CD86: variants seen among roughly 807,000 people sequenced by gnomAD.
CD86 encodes the protein CD86 molecule, also known as T-lymphocyte activation antigen CD86.
In CD86, 11 loss-of-function variants were observed where a neutral mutation model predicts 32.1. The observed-to-expected ratio is 0.34, with a 90% CI of 0.22 to 0.57. The LOEUF is 0.57. Among genes scored for constraint, CD86 ranks in the 20% least tolerant of loss-of-function variants. The pLI, the probability that CD86 is intolerant of heterozygous loss-of-function variation, is 0.86. For synonymous variants in CD86, 137 were observed against 135.3 expected, an observed-to-expected ratio of 1.01 and a Z score of -0.09; for missense variants, 359 against 398.4, an observed-to-expected ratio of 0.90 and a Z score of 0.84.
chr3:122,070,592 C>T (rs1435112350), intron 1 of CD86, among the ~76,000 whole-genome samples: 1 of 152,142 alleles, frequency 6.6e-6, no homozygotes, highest in Non-Finnish European at 1.5e-5. Flanking sequence ...CATTACATTT[C>T]TAAGAATGTT....
chr3:122,055,918 A>C (rs1345152849), intron 1 of CD86, among the ~76,000 whole-genome samples: 8 of 152,154 alleles, frequency 5.3e-5, no homozygotes, highest in Non-Finnish European at 1.2e-4. Context: ...CAAGAAAAAG[A>C]AAGAGAAAAA....
intron 2 of CD86, among the ~76,000 whole-genome samples, chr3:122,097,100 G>A (rs757009639): frequency 6.6e-6 from 1 of 152,090 alleles, no homozygotes; most frequent in East Asian, 1.9e-4. Context: ...ACACTCTCGC[G>A]GACACTGGGT....
At chr3:122,076,752 A>C (rs1025258925) in intron 1 of CD86, among the ~76,000 whole-genome samples, 3 of 152,232 alleles carry the variant, frequency 2.0e-5, no homozygotes, top group African/African-American at 4.8e-5. Context: ...AAGATGAAAT[A>C]ACTACTTGGC....
intron 1 of CD86, among the ~76,000 whole-genome samples, chr3:122,071,779 G>T (rs1170556827): frequency 6.6e-6 from 1 of 151,514 alleles, no homozygotes; most frequent in African/African-American, 2.4e-5. Flanking sequence ...ACAATGTGCA[G>T]GTTAGTTACA....
At position 122,120,990 on chromosome 3, in the gene CD86, G is replaced by C. The variant is rs1016014040; in HGVS notation, c.*1456G>C. On this transcript the variant is annotated 3_prime_UTR_variant, in exon 7 of 7. Transcript: ENST00000330540. ...CCTTTATTTTATGTAAACCCTCAAGGGTTATAGACTGCCATGCTAGACAAG... is the reference window on the plus strand; with the variant it reads ...CCTTTATTTTATGTAAACCCTCAAGCGTTATAGACTGCCATGCTAGACAAG... The C allele has an allele frequency of 6.6e-6, 1 of 152,162 alleles. No homozygotes were observed. Among genetic ancestry groups the C allele is most frequent in the Non-Finnish European group, 1.5e-5 (1 of 68,030 alleles). 9.4% of individuals were successfully genotyped at this position (152,162 alleles called of 1,614,324 possible). A position where few individuals can be genotyped will look rare whatever the true frequency, so the allele number is the denominator to read the frequency against.
intron 2 of CD86, chr3:122,091,864 C>G (rs549985537): frequency 5.1e-5 from 28 of 551,138 alleles, no homozygotes; most frequent in Admixed American, 3.9e-4. Context: ...CTCTCCCCCC[C>G]GTGTGCTTCT....
At chr3:122,100,117 G>A (rs2072975279) in intron 2 of CD86, among the ~76,000 whole-genome samples, 1 of 152,154 alleles carries the variant, frequency 6.6e-6, no homozygotes, top group African/African-American at 2.4e-5. Flanking sequence ...GTAGACCTGT[G>A]GAGTTGACAA....
At position 122,117,450 on chromosome 3, in the gene CD86, C is replaced by T. The variant is rs538602182; in HGVS notation, c.848-598C>T. Among the ~76,000 whole-genome samples the T allele has an allele frequency of 2.2e-4, 33 of 152,334 alleles. No individual in the cohort carries two copies. The South Asian group carries it at 3.3e-3, about 15-fold the overall frequency. Reference sequence around the variant, plus strand: ...CCTCCATGGACACCCAGGTTAGCAACCTGTTGGAGTTTACGTGGGACAATA... The same window carrying T: ...CCTCCATGGACACCCAGGTTAGCAATCTGTTGGAGTTTACGTGGGACAATA... On this transcript the variant is annotated intron_variant, in intron 5 of 6. Coordinates refer to ENST00000330540, the MANE Select transcript of CD86 (RefSeq NM_175862.5).
At chr3:122,112,971 T>C (rs1196731494) in intron 5 of CD86, among the ~76,000 whole-genome samples, 1 of 152,236 alleles carries the variant, frequency 6.6e-6, no homozygotes, top group Admixed American at 6.5e-5. Flanking sequence ...CAGTGTACAC[T>C]GCACCAGTGT....
intron 2 of CD86, among the ~76,000 whole-genome samples, chr3:122,096,427 C>T (rs2072909209): frequency 6.6e-6 from 1 of 151,774 alleles, no homozygotes; most frequent in African/African-American, 2.4e-5. Flanking sequence ...TTTTAAGTAT[C>T]CTAAATATAC....
chr3:122,107,281 C>T (rs562982677), intron 4 of CD86, among the ~76,000 whole-genome samples: 4 of 152,170 alleles, frequency 2.6e-5, no homozygotes, highest in East Asian at 1.9e-4. Context: ...TGGTGACTTC[C>T]GTAGCTGAAA....
At chr3:122,064,866 CTATT>C (rs1193518081) in intron 1 of CD86, among the ~76,000 whole-genome samples, 1 of 152,050 alleles carries the variant, frequency 6.6e-6, no homozygotes, top group East Asian at 1.9e-4. Context: ...GGGGCTGAAA[CTATT>C]TGACTATTAA....
At chr3:122,071,488 T>C (rs2072488059) in intron 1 of CD86, among the ~76,000 whole-genome samples, 2 of 152,210 alleles carry the variant, frequency 1.3e-5, no homozygotes, top group African/African-American at 4.8e-5. Flanking sequence ...CCACATAATA[T>C]TCCATTGTCT....
intron 5 of CD86, among the ~76,000 whole-genome samples, chr3:122,112,502 A>C (rs939479213): frequency 2.0e-5 from 3 of 152,070 alleles, no homozygotes; most frequent in Non-Finnish European, 4.4e-5. Flanking sequence ...TTTTCAGTAG[A>C]GATGGGTTTT....
chr3:122,116,879 G>A (rs556853976), intron 5 of CD86, among the ~76,000 whole-genome samples: 1 of 152,132 alleles, frequency 6.6e-6, no homozygotes, highest in Non-Finnish European at 1.5e-5. Context: ...TCCATGGGAT[G>A]GGGGAAAGGA....
chr3:122,101,681 A>G (rs1265215961), intron 2 of CD86, among the ~76,000 whole-genome samples: 1 of 151,934 alleles, frequency 6.6e-6, no homozygotes, highest in Non-Finnish European at 1.5e-5. Flanking sequence ...CCATCAGGTC[A>G]TCTGTCCTAT....
At chr3:122,058,202 T>G (rs926269091) in intron 1 of CD86, among the ~76,000 whole-genome samples, 3 of 152,186 alleles carry the variant, frequency 2.0e-5, no homozygotes, top group Non-Finnish European at 4.4e-5. Context: ...ATGGCATTAC[T>G]AAGAACAGAA....
chr3:122,076,496 G>GA (rs766056297), intron 1 of CD86, among the ~76,000 whole-genome samples: 22 of 152,186 alleles, frequency 1.4e-4, no homozygotes, highest in Non-Finnish European at 2.9e-4. Context: ...CCCCAGGTGG[G>GA]ATCTATCTGT....
At chr3:122,063,244 A>T (rs1418462463) in intron 1 of CD86, among the ~76,000 whole-genome samples, 1 of 152,180 alleles carries the variant, frequency 6.6e-6, no homozygotes, top group African/African-American at 2.4e-5. Context: ...TCAAACTTAC[A>T]CTTCTAATTC....
Sources: gnomAD v4.1 joint callset for allele counts (sites outside exome capture counted in the v4.1 genomes callset) on GRCh38, gnomAD v4.1.1 for gene constraint, MANE v1.5 for transcripts, NCBI Gene and HGNC (gene_info 2026-07-23, HGNC 2026-07-21) for gene names.